The following PTGIS variants were observed in gnomAD, a reference collection of about 807,000 sequenced individuals.
PTGIS encodes the protein prostacyclin synthase.
PTGIS carries 45 observed loss-of-function variants against 50.3 expected under a neutral mutation model. The observed-to-expected ratio is 0.90, with a 90% CI of 0.70 to 1.15. The LOEUF (loss-of-function observed/expected upper bound fraction) is 1.15. Ranked by LOEUF, PTGIS falls within the 50% of genes most tolerant of loss-of-function variation. PTGIS has a pLI of 0.00. For synonymous variants in PTGIS, 260 were observed against 267.7 expected, an observed-to-expected ratio of 0.97 and a Z score of 0.28; for missense variants, 668 against 661.3, an observed-to-expected ratio of 1.01 and a Z score of -0.11.
At chr20:49,552,623 T>C (rs906475069) in intron 1 of PTGIS, among the ~76,000 whole-genome samples, 3 of 152,134 alleles carry the variant, frequency 2.0e-5, no homozygotes, top group African/African-American at 7.2e-5. Context: ...TGGCTGACAA[T>C]TGCCTAGGGT....
At chr20:49,516,467 G>T (rs994454428) in intron 6 of PTGIS, among the ~76,000 whole-genome samples, 3 of 152,118 alleles carry the variant, frequency 2.0e-5, no homozygotes, top group Admixed American at 1.3e-4. Context: ...TAAAGATGAG[G>T]TCTCACTATG....
chr20:49,547,804 C>T (rs1166255196), intron 3 of PTGIS, 37 bp downstream of exon 3: 1 of 1,610,976 alleles, frequency 6.2e-7, no homozygotes, highest in Non-Finnish European at 8.5e-7. Context: ...AGTCGCCCAC[C>T]CTGGCCCTCC....
intron 3 of PTGIS, among the ~76,000 whole-genome samples, chr20:49,547,269 G>A (rs1436857462): frequency 6.6e-6 from 1 of 152,090 alleles, no homozygotes; most frequent in African/African-American, 2.4e-5. Flanking sequence ...TCCTCCATAT[G>A]TTTCAGGAGC....
chr20:49,512,157 G>GTGGA (rs544498171), intron 8 of PTGIS, among the ~76,000 whole-genome samples: 2 of 151,060 alleles, frequency 1.3e-5, no homozygotes, highest in Middle Eastern at 3.6e-3. Context: ...AGCTTCATGG[G>GTGGA]TGGATGGATG....
rs747804008 is a variant in PTGIS, at chr20:49,547,829, C to G, written c.377+12G>C. ...CCTGGCCCTCCCACAGGTGCCATCT[C>G]CAGCCACTCACAGTTTCATCCTGGC... On this transcript the variant is annotated intron_variant, in intron 3 of 9. Transcript: ENST00000244043. 1 of 1,614,054 alleles carries G rather than the reference C, an allele frequency of 6.2e-7. No individual in the cohort carries two copies. Among genetic ancestry groups the G allele is most frequent in the Non-Finnish European group, 8.5e-7 (1 of 1,179,980 alleles).
chr20:49,514,209 A>G lies in PTGIS; in HGVS notation c.1024+18T>C. ...GACGCAGTCTTAGGGGCTATCTTGG[A>G]GGGTCTGACGATCTCACCAAGCACA... On this transcript the variant is annotated intron_variant, in intron 7 of 9. Coordinates refer to ENST00000244043, the MANE Select transcript of PTGIS (RefSeq NM_000961.4). 1 of 1,612,680 alleles carries G rather than the reference A, an allele frequency of 6.2e-7. No homozygotes were observed. The highest frequency in any genetic ancestry group is 8.5e-7 in the Non-Finnish European group (1 of 1,179,940).
chr20:49,527,050 G>T (rs1047766726), intron 5 of PTGIS, among the ~76,000 whole-genome samples: 2 of 152,166 alleles, frequency 1.3e-5, no homozygotes, highest in Non-Finnish European at 2.9e-5. Flanking sequence ...ATTCACAGTA[G>T]CCAAAAGGCA....
At chr20:49,528,073 G>A (rs1981835499) in intron 5 of PTGIS, among the ~76,000 whole-genome samples, 1 of 152,154 alleles carries the variant, frequency 6.6e-6, no homozygotes, top group African/African-American at 2.4e-5. Flanking sequence ...CCGGGAGGTG[G>A]AGGTTGCAGT....
chr20:49,568,087 CAGGAGGCCG>C lies in PTGIS; in HGVS notation c.21_29del (p.Gly8_Leu10del). On this transcript the variant is annotated inframe_deletion, in exon 1 of 10. Coordinates refer to ENST00000244043, the MANE Select transcript of PTGIS (RefSeq NM_000961.4). ...GTAGCAGCAGCAGCAACAGTGCGGC[CAGGAGGCCG>C]AGGAGCGCGGCCCAAGCCATCGCGG... 7.1e-7 allele frequency: 1 copy of C among 1,411,536 alleles called. No homozygotes were observed. Among genetic ancestry groups the C allele is most frequent in the Non-Finnish European group, 9.2e-7 (1 of 1,084,790 alleles). The allele number at this position is 1,411,536 out of a possible 1,614,324, so 87.4% of individuals were successfully genotyped here. A position where few individuals can be genotyped will look rare whatever the true frequency, so the allele number is the denominator to read the frequency against.
intron 6 of PTGIS, among the ~76,000 whole-genome samples, chr20:49,515,960 A>G (rs1981462301): frequency 2.0e-5 from 3 of 151,914 alleles, no homozygotes; most frequent in Admixed American, 2.0e-4. Flanking sequence ...AGCTCACTGC[A>G]GCCTCGACCT....
At chr20:49,537,147 C>A (rs147891303) in intron 5 of PTGIS, among the ~76,000 whole-genome samples, 74 of 152,318 alleles carry the variant, frequency 4.9e-4, no homozygotes, top group African/African-American at 1.8e-3. Flanking sequence ...TCCAAGCTCT[C>A]CCCTGGAGAC....
intron 6 of PTGIS, among the ~76,000 whole-genome samples, chr20:49,521,578 C>T (rs528149721): frequency 1.1e-4 from 17 of 152,272 alleles, no homozygotes; most frequent in African/African-American, 3.9e-4. Flanking sequence ...AGCTCCAAGT[C>T]ATCTCTGCAC....
At chr20:49,537,520 C>T (rs1311837335) in intron 5 of PTGIS, among the ~76,000 whole-genome samples, 2 of 152,172 alleles carry the variant, frequency 1.3e-5, no homozygotes, top group African/African-American at 4.8e-5. Context: ...TTTGGGAGGC[C>T]GAGGCAGGCA....
rs1456528011 is a variant in PTGIS, at chr20:49,504,151, G to A, written c.*3769C>T. On this transcript the variant is annotated 3_prime_UTR_variant, in exon 10 of 10. Coordinates refer to ENST00000244043, the MANE Select transcript of PTGIS (RefSeq NM_000961.4). ...AGGAGATGGCCCTGGTCGCCCATGG[G>A]ATGAGAAACTTACTCCTGCTTCTGT... The A allele has an allele frequency of 6.6e-6, 1 of 152,222 alleles. No individual in the cohort carries two copies. The highest frequency in any genetic ancestry group is 1.5e-5 in the Non-Finnish European group (1 of 68,034). 9.4% of individuals were successfully genotyped at this position (152,222 alleles called of 1,614,324 possible).
intron 5 of PTGIS, among the ~76,000 whole-genome samples, chr20:49,531,527 G>C (rs6019884): frequency 6.6e-6 from 1 of 152,154 alleles, no homozygotes; most frequent in Non-Finnish European, 1.5e-5. Flanking sequence ...TCAATATTTA[G>C]GTTGCCCCAA....
At chr20:49,534,432 T>C (rs141502369) in intron 5 of PTGIS, among the ~76,000 whole-genome samples, 445 of 152,314 alleles carry the variant, frequency 2.9e-3, no homozygotes, top group Non-Finnish European at 5.3e-3. Context: ...CTGCTGCTCA[T>C]ATTGAGAAAT....
intron 6 of PTGIS, among the ~76,000 whole-genome samples, chr20:49,519,627 C>T (rs927073907): frequency 6.6e-6 from 1 of 152,046 alleles, no homozygotes; most frequent in Admixed American, 6.6e-5. Context: ...AAGCCTGGAC[C>T]TCAAACTTGA....
chr20:49,512,507 G>A (rs1036227140), intron 8 of PTGIS, among the ~76,000 whole-genome samples: 3 of 152,208 alleles, frequency 2.0e-5, no homozygotes, highest in Non-Finnish European at 2.9e-5. Flanking sequence ...ACAGATGCAT[G>A]AGTAGATGGG....
chr20:49,559,984 G>A (rs1434716445), intron 1 of PTGIS, among the ~76,000 whole-genome samples: 3 of 151,754 alleles, frequency 2.0e-5, no homozygotes, highest in South Asian at 4.2e-4. Context: ...GAGTGCAATG[G>A]CGCGATCTTG....
Sources: gnomAD v4.1 joint callset for allele counts (sites outside exome capture counted in the v4.1 genomes callset) on GRCh38, gnomAD v4.1.1 for gene constraint, MANE v1.5 for transcripts, NCBI Gene and HGNC (gene_info 2026-07-23, HGNC 2026-07-21) for gene names.